Variants in PCDHA3 observed in about 807,000 individuals in gnomAD.
The protein encoded by PCDHA3 is protocadherin alpha 3, also known as protocadherin alpha-3.
PCDHA3 carries 41 observed loss-of-function variants against 62.2 expected under a neutral mutation model. That is an observed-to-expected ratio of 0.66 (90% CI 0.51 to 0.86). PCDHA3 has a LOEUF of 0.86. PCDHA3 is among the 40% of genes least tolerant of loss of function. The pLI, the probability that PCDHA3 is intolerant of heterozygous loss-of-function variation, is 0.00. For synonymous variants in PCDHA3, 640 were observed against 555.4 expected, an observed-to-expected ratio of 1.15 and a Z score of -2.14; for missense variants, 1,304 against 1,241.2, an observed-to-expected ratio of 1.05 and a Z score of -0.76.
intron 1 of PCDHA3, chr5:140,830,398 C>G: frequency 1.9e-6 from 3 of 1,614,184 alleles, no homozygotes; most frequent in Non-Finnish European, 2.5e-6. Context: ...AGATGGATCT[C>G]ATGGCCTTTA....
intron 1 of PCDHA3, chr5:140,843,767 T>A (rs2150366421): frequency 4.0e-6 from 6 of 1,487,048 alleles, no homozygotes; most frequent in African/African-American, 1.4e-5. Context: ...GAAATTGTAG[T>A]TACTTTAAAA....
At chr5:140,993,103 G>A (rs2097540365) in intron 3 of PCDHA3, among the ~76,000 whole-genome samples, 1 of 152,218 alleles carries the variant, frequency 6.6e-6, no homozygotes, top group East Asian at 1.9e-4. Context: ...TTTATTCAGC[G>A]GTCAGTGTCA....
intron 1 of PCDHA3, among the ~76,000 whole-genome samples, chr5:140,833,623 C>A (rs2150209911): frequency 2.6e-5 from 4 of 152,064 alleles, no homozygotes; most frequent in Admixed American, 2.6e-4. Context: ...ATTCAGAATA[C>A]TTCCTCCTCA....
At position 140,802,625 on chromosome 5, in the gene PCDHA3, G is replaced by T. The variant is rs368335379; in HGVS notation, c.1428G>T (p.Thr476=). Reference sequence around the variant, plus strand: ...ACCCGCCGGGCTGCCACATCTTCACGGTGTCTGCGCGGGACGCGGACGCGC... The same window carrying T: ...ACCCGCCGGGCTGCCACATCTTCACTGTGTCTGCGCGGGACGCGGACGCGC... ...ENNPPGCHIF[T]VSARDADAQE... The change falls in exon 1 of 4, where the codon ACG becomes ACT. Residue 476 remains threonine, a synonymous_variant. Coordinates refer to ENST00000522353, the MANE Select transcript of PCDHA3 (RefSeq NM_018906.3). The T allele has an allele frequency of 1.1e-5, 17 of 1,613,842 alleles. No homozygotes were observed. Among genetic ancestry groups the T allele is most frequent in the Non-Finnish European group, 1.4e-5 (16 of 1,179,936 alleles).
rs782736507 is a variant in PCDHA3 at position 140,803,274 on chromosome 5, C to T, written c.2077C>T (p.Leu693=). The part of the protein sequence containing the change: ...SAGATGPEAA[L]VDVNVYLIVA... ...TGGCGCCACGGGCCCGGAAGCTGCA[C>T]TGGTGGATGTCAACGTGTACTTGAT... The change falls in exon 1 of 4, where the codon CTG becomes TTG. Residue 693 remains leucine, a synonymous_variant. Transcript: ENST00000522353. 6.2e-7 allele frequency: 1 copy of T among 1,614,028 alleles called. No homozygotes were observed. Among genetic ancestry groups the T allele is most frequent in the African/African-American group, 1.3e-5 (1 of 75,066 alleles).
Position 140,883,224 on chromosome 5 carries a change from C to A in PCDHA3, c.2394+79633C>A, listed in dbSNP as rs782659730. The stretch of plus-strand genomic sequence containing the variant: ...GAAGAAAAGAAATTATATGAAATAT[C>A]CGTGGAGGCAGTTGACAAAGGAAAT... On this transcript the variant is annotated intron_variant, in intron 1 of 3. Transcript: ENST00000522353. The A allele has an allele frequency of 1.2e-5, 20 of 1,613,828 alleles. 2 individuals carry two copies. In the South Asian group the frequency reaches 2.2e-4, roughly 18 times the overall value.
At chr5:140,967,978 G>A in intron 1 of PCDHA3, 5 of 1,614,206 alleles carry the variant, frequency 3.1e-6, no homozygotes, top group Non-Finnish European at 3.4e-6. Flanking sequence ...GCCTGGGTCT[G>A]GAGGCCACAC....
intron 1 of PCDHA3, chr5:140,834,417 C>T: frequency 6.2e-7 from 1 of 1,611,544 alleles, no homozygotes; most frequent in Non-Finnish European, 8.5e-7. Flanking sequence ...CCCAGGGGGC[C>T]GACATCTACT....
chr5:140,877,476 G>T (rs1554169787), intron 1 of PCDHA3: 2 of 1,613,870 alleles, frequency 1.2e-6, no homozygotes, highest in South Asian at 1.1e-5. Flanking sequence ...TGCTGGTGTC[G>T]CTGGTGGAGA....
intron 1 of PCDHA3, chr5:140,884,253 C>T (rs1356283866): frequency 6.2e-7 from 1 of 1,613,418 alleles, no homozygotes; most frequent in East Asian, 2.2e-5. Context: ...CTGACGGCCA[C>T]GGCAACGGTG....
At chr5:140,986,393 C>T (rs1554248003) in intron 3 of PCDHA3, among the ~76,000 whole-genome samples, 1 of 152,148 alleles carries the variant, frequency 6.6e-6, no homozygotes, top group Non-Finnish European at 1.5e-5. Context: ...ATTAAAGGGC[C>T]AGTCGCTCAT....
At chr5:140,843,301 C>A (rs138591837) in intron 1 of PCDHA3, 5 of 1,595,850 alleles carry the variant, frequency 3.1e-6, no homozygotes, top group Middle Eastern at 1.7e-4. Context: ...CTGCGCTGAC[C>A]GCCACGGCCA....
intron 1 of PCDHA3, chr5:140,830,417 C>T: frequency 1.2e-6 from 2 of 1,614,096 alleles, no homozygotes; most frequent in Non-Finnish European, 1.7e-6. Flanking sequence ...TAGCCCCAGC[C>T]TTTCACCTTG....
chr5:140,884,443 A>G (rs568353165), intron 1 of PCDHA3: 2 of 1,613,454 alleles, frequency 1.2e-6, no homozygotes, highest in South Asian at 2.2e-5. Flanking sequence ...GGTGCTCGGC[A>G]CCGCCCACCG....
At chr5:140,959,412 A>G (rs2153722176) in intron 1 of PCDHA3, among the ~76,000 whole-genome samples, 1 of 152,256 alleles carries the variant, frequency 6.6e-6, no homozygotes, top group African/African-American at 2.4e-5. Context: ...GTGTTGATTG[A>G]TCTGAGAATT....
Position 140,850,710 on chromosome 5 carries a change from C to T in PCDHA3, c.2394+47119C>T, listed in dbSNP as rs149535933. The T allele has an allele frequency of 3.1e-6, 5 of 1,597,920 alleles. No homozygotes were observed. The African/African-American group carries it at 6.7e-5, about 22-fold the overall frequency. On this transcript the variant is annotated intron_variant, in intron 1 of 3. Coordinates refer to ENST00000522353, the MANE Select transcript of PCDHA3 (RefSeq NM_018906.3). ...CGAGTGCGCGCCTGGCAAGCCGACG[C>T]TGGTGTGTTCTAGCGCGGTGGGGAG... is the stretch of plus-strand genomic sequence containing the variant.
intron 1 of PCDHA3, chr5:140,834,122 A>T: frequency 2.3e-6 from 1 of 435,094 alleles, no homozygotes. Flanking sequence ...TTGAAATAAA[A>T]CTTTTCATCT....
At chr5:140,969,224 T>A (rs782172299) in intron 1 of PCDHA3, 1 of 1,614,100 alleles carries the variant, frequency 6.2e-7, no homozygotes, top group East Asian at 2.2e-5. Context: ...ACCAGGGCCT[T>A]CGGGAGCCCA....
At chr5:140,851,008 T>C in intron 1 of PCDHA3, 2 of 1,437,046 alleles carry the variant, frequency 1.4e-6, no homozygotes, top group East Asian at 4.8e-5. Flanking sequence ...CAGCAGATTT[T>C]TTTTCTGATA....
Sources: allele counts gnomAD v4.1 joint callset (sites outside exome capture counted in the v4.1 genomes callset), GRCh38; gene constraint gnomAD v4.1.1; transcripts MANE v1.5; gene names NCBI Gene and HGNC (gene_info 2026-07-23, HGNC 2026-07-21).